The following MYO5B variants were observed in gnomAD, a reference collection of about 807,000 sequenced individuals.
MYO5B encodes the protein myosin VB, also known as unconventional myosin-Vb.
A neutral mutation model predicts 229.3 loss-of-function variants in MYO5B; 143 were observed. The ratio of observed to expected loss-of-function variants is 0.62; its 90% CI spans 0.54 to 0.72. MYO5B has a LOEUF of 0.72. MYO5B is among the 30% of genes least tolerant of loss of function. MYO5B has a pLI of 0.00. For synonymous variants in MYO5B, 918 were observed against 885.2 expected, an observed-to-expected ratio of 1.04 and a Z score of -0.66; for missense variants, 2,321 against 2,331.0, an observed-to-expected ratio of 1.00 and a Z score of 0.09.
chr18:50,006,753 G>A (rs1329585417), intron 4 of MYO5B, among the ~76,000 whole-genome samples: 1 of 152,130 alleles, frequency 6.6e-6, no homozygotes, highest in Non-Finnish European at 1.5e-5. Flanking sequence ...GAGAGAGAGT[G>A]ATGCAGGTGG....
chr18:49,965,454 T>TTCTCTCTC (rs555133086), intron 10 of MYO5B, among the ~76,000 whole-genome samples: 6 of 29,202 alleles, frequency 2.1e-4, no homozygotes, highest in African/African-American at 5.2e-4. Flanking sequence ...CACACTTCTT[T>TTCTCTCTC]TCACACACAC....
At chr18:49,920,816 G>A (rs1358683355) in intron 17 of MYO5B, among the ~76,000 whole-genome samples, 1 of 152,160 alleles carries the variant, frequency 6.6e-6, no homozygotes, top group African/African-American at 2.4e-5. Flanking sequence ...GACTTAATAG[G>A]TCTGAGGGGG....
intron 1 of MYO5B, among the ~76,000 whole-genome samples, chr18:50,176,244 T>C (rs917371197): frequency 2.6e-5 from 4 of 152,148 alleles, no homozygotes; most frequent in African/African-American, 9.7e-5. Context: ...CCCTTGGAAA[T>C]CCCTTGCACT....
intron 27 of MYO5B, among the ~76,000 whole-genome samples, chr18:49,866,442 C>G (rs1458580781): frequency 6.6e-6 from 1 of 152,160 alleles, no homozygotes; most frequent in African/African-American, 2.4e-5. Context: ...TCCCCACCAT[C>G]CATCTCGAGA....
At chr18:49,877,235 CTG>C (rs1376223339) in intron 25 of MYO5B, among the ~76,000 whole-genome samples, 2 of 152,212 alleles carry the variant, frequency 1.3e-5, no homozygotes, top group African/African-American at 4.8e-5. Flanking sequence ...ACACAGTCCA[CTG>C]TGTGGTATAT....
At chr18:50,038,847 G>A (rs923978396) in intron 3 of MYO5B, among the ~76,000 whole-genome samples, 10 of 152,112 alleles carry the variant, frequency 6.6e-5, no homozygotes, top group East Asian at 3.9e-4. Context: ...TCTCCTTTTT[G>A]AAGTAAATAT....
chr18:49,950,281 G>A (rs1368432130), intron 14 of MYO5B, among the ~76,000 whole-genome samples: 1 of 152,168 alleles, frequency 6.6e-6, no homozygotes, highest in Admixed American at 6.5e-5. Context: ...TAGCTGGTGA[G>A]GGGGAAAGCT....
chr18:50,044,556 G>A (rs987503800), intron 2 of MYO5B, among the ~76,000 whole-genome samples: 25 of 152,200 alleles, frequency 1.6e-4, no homozygotes, highest in African/African-American at 6.0e-4. Context: ...GTCCCCAGTT[G>A]GTCCCTGCCT....
intron 29 of MYO5B, among the ~76,000 whole-genome samples, chr18:49,861,995 GTTTT>G (rs978135894): frequency 7.6e-6 from 1 of 131,120 alleles, no homozygotes. Flanking sequence ...CCAGCTCCAT[GTTTT>G]TTTTTTTTTT....
intron 1 of MYO5B, chr18:50,064,326 C>T (rs560185182): frequency 6.6e-6 from 1 of 152,266 alleles, no homozygotes; most frequent in African/African-American, 2.4e-5. Context: ...ATGCTGAATC[C>T]ATTAACCTGC....
chr18:49,912,017 G>C, intron 18 of MYO5B, 45 bp downstream of exon 18: 1 of 1,477,548 alleles, frequency 6.8e-7, no homozygotes, highest in Non-Finnish European at 9.5e-7. Flanking sequence ...TCAATCTTTA[G>C]GGGACCTGGT....
At chr18:50,133,796 A>T (rs2032291723) in intron 1 of MYO5B, among the ~76,000 whole-genome samples, 1 of 152,134 alleles carries the variant, frequency 6.6e-6, no homozygotes, top group African/African-American at 2.4e-5. Flanking sequence ...CGCATTCTTC[A>T]TCAGCTCTCC....
Position 50,055,354 on chromosome 18 carries a change from G to C in MYO5B, c.52C>G (p.Pro18Ala). 1 of 1,613,538 alleles carries C rather than the reference G, an allele frequency of 6.2e-7. No homozygotes were observed. The highest frequency in any genetic ancestry group is 8.5e-7 in the Non-Finnish European group (1 of 1,179,892). Residue 18 changes from proline to alanine, a missense_variant, in exon 2 of 40, where the codon CCT becomes GCT. Physicochemically the swap from Pro to Ala is conservative, Grantham distance 27. Around this residue, in one of 2 missense-constraint regions of MYO5B, gnomAD observed 2,113 missense variants for 2,044.7 expected, o/e 1.03. Coordinates refer to ENST00000285039, the MANE Select transcript of MYO5B (RefSeq NM_001080467.3). Reference sequence around the variant, plus strand: ...TCAGCTGAGCGCCATACCTCATCAGGGTCAGGGATCCAGACCCTTGTGCAC... The same window carrying C: ...TCAGCTGAGCGCCATACCTCATCAGCGTCAGGGATCCAGACCCTTGTGCAC... ...SQCTRVWIPD[P>A]DEVWRSAELT...
At chr18:50,165,167 C>A (rs1211458606) in intron 1 of MYO5B, among the ~76,000 whole-genome samples, 4 of 152,212 alleles carry the variant, frequency 2.6e-5, no homozygotes, top group African/African-American at 4.8e-5. Flanking sequence ...CAGAATGCCA[C>A]TGATTAACAC....
intron 9 of MYO5B, among the ~76,000 whole-genome samples, chr18:49,977,677 T>A (rs1206288617): frequency 6.6e-6 from 1 of 152,164 alleles, no homozygotes; most frequent in African/African-American, 2.4e-5. Flanking sequence ...CTGTCCCACC[T>A]TTGCCATTGT....
chr18:50,145,640 C>T (rs1750500479), intron 1 of MYO5B, among the ~76,000 whole-genome samples: 1 of 151,120 alleles, frequency 6.6e-6, no homozygotes, highest in African/African-American at 2.4e-5. Context: ...TATATTTTTC[C>T]ATTAGTTTTT....
intron 33 of MYO5B, among the ~76,000 whole-genome samples, chr18:49,844,958 G>A (rs1291315354): frequency 6.6e-6 from 1 of 152,216 alleles, no homozygotes; most frequent in Non-Finnish European, 1.5e-5. Flanking sequence ...CGGCAGTCAA[G>A]TTTTGGCATT....
chr18:50,044,514 A>G (rs2030164918), intron 2 of MYO5B, among the ~76,000 whole-genome samples: 1 of 152,038 alleles, frequency 6.6e-6, no homozygotes, highest in Admixed American at 6.6e-5. Flanking sequence ...TCCTTTCTGC[A>G]ACTAGGAGCT....
intron 17 of MYO5B, 113 bp downstream of exon 17, chr18:49,929,399 A>G (rs1265067295): frequency 2.5e-6 from 2 of 806,592 alleles, no homozygotes; most frequent in Non-Finnish European, 3.9e-6. Flanking sequence ...ATGTTTGGGA[A>G]CCGTTTTGAA....
Sources: allele counts gnomAD v4.1 joint callset (sites outside exome capture counted in the v4.1 genomes callset), GRCh38; gene constraint gnomAD v4.1.1; regional missense constraint gnomAD v4.1.1; transcripts MANE v1.5; gene names NCBI Gene and HGNC (gene_info 2026-07-23, HGNC 2026-07-21).